FOXP1: variants seen among roughly 807,000 people sequenced by gnomAD.
FOXP1 encodes forkhead box protein P1.
In FOXP1, 15 loss-of-function variants were observed where a neutral mutation model predicts 98.2. The observed-to-expected ratio is 0.15, with a 90% CI of 0.10 to 0.24. The LOEUF is 0.24. Ranked by LOEUF, FOXP1 falls within the 10% of genes least tolerant of loss-of-function variation. The pLI, the probability that FOXP1 is intolerant of heterozygous loss-of-function variation, is 1.00. For missense variants in FOXP1, 633 were observed against 848.5 expected (o/e 0.75, Z 3.15); for synonymous variants, 371 against 314.5 (o/e 1.18, Z -1.90).
At chr3:71,435,104 A>G (rs1181109466) in intron 3 of FOXP1, among the ~76,000 whole-genome samples, 1 of 149,388 alleles carries the variant, frequency 6.7e-6, no homozygotes, top group Non-Finnish European at 1.5e-5. Flanking sequence ...GCTTAAAGTA[A>G]GAGACTTCAA....
chr3:71,173,487 T>A (rs1024510434), intron 6 of FOXP1, among the ~76,000 whole-genome samples: 2 of 152,068 alleles, frequency 1.3e-5, no homozygotes, highest in African/African-American at 2.4e-5. Flanking sequence ...GATCTTCTGA[T>A]GCAACATATT....
intron 7 of FOXP1, among the ~76,000 whole-genome samples, chr3:71,092,287 C>G (rs1220011686): frequency 6.6e-6 from 1 of 151,994 alleles, no homozygotes; most frequent in Non-Finnish European, 1.5e-5. Context: ...AGGAGAATCG[C>G]TTGAACCTGG....
At chr3:71,186,940 G>C (rs936312227) in intron 6 of FOXP1, among the ~76,000 whole-genome samples, 1 of 152,192 alleles carries the variant, frequency 6.6e-6, no homozygotes, top group Non-Finnish European at 1.5e-5. Flanking sequence ...CACAATCTCT[G>C]TTGCAACAAC....
chr3:71,204,708 T>C (rs1186587592), intron 5 of FOXP1, among the ~76,000 whole-genome samples: 1 of 151,504 alleles, frequency 6.6e-6, no homozygotes, highest in Non-Finnish European at 1.5e-5. Context: ...CCCCAAGATG[T>C]AGAGTTACTG....
chr3:70,992,900 G>A (rs906871429), intron 13 of FOXP1, among the ~76,000 whole-genome samples: 3 of 152,112 alleles, frequency 2.0e-5, no homozygotes, highest in Non-Finnish European at 2.9e-5. Context: ...TGGAACTACC[G>A]TGCTGTTAGG....
chr3:71,312,281 C>T (rs550353028), intron 4 of FOXP1, among the ~76,000 whole-genome samples: 1 of 152,348 alleles, frequency 6.6e-6, no homozygotes, highest in African/African-American at 2.4e-5. Flanking sequence ...GAAAGGTAAT[C>T]AAGTGTGCTA....
At chr3:70,967,641 T>TTTTG (rs2035109630) in intron 19 of FOXP1, among the ~76,000 whole-genome samples, 1 of 149,602 alleles carries the variant, frequency 6.7e-6, no homozygotes, top group Non-Finnish European at 1.5e-5. Context: ...CTTTCTTTCT[T>TTTTG]TTTGTTTTTT....
intron 5 of FOXP1, among the ~76,000 whole-genome samples, chr3:71,212,281 A>C (rs2064537492): frequency 6.6e-6 from 1 of 152,206 alleles, no homozygotes; most frequent in African/African-American, 2.4e-5. Context: ...AGGCTCATAT[A>C]TTGGGCAACT....
intron 12 of FOXP1, among the ~76,000 whole-genome samples, chr3:71,015,161 C>A (rs531627823): frequency 1.3e-5 from 2 of 150,826 alleles, no homozygotes; most frequent in African/African-American, 2.5e-5. Context: ...GAAGATGACA[C>A]CTCCAACAAC....
intron 7 of FOXP1, among the ~76,000 whole-genome samples, chr3:71,068,203 T>C (rs926261549): frequency 2.0e-5 from 3 of 152,188 alleles, no homozygotes; most frequent in African/African-American, 7.2e-5. Context: ...AATGAGTCCA[T>C]TGTGCAGCTG....
At chr3:71,530,663 T>C (rs888519297) in intron 2 of FOXP1, among the ~76,000 whole-genome samples, 2 of 152,266 alleles carry the variant, frequency 1.3e-5, no homozygotes, top group Admixed American at 1.3e-4. Context: ...GTAATTATGT[T>C]GCACATACTG....
At chr3:71,371,259 C>T (rs2107983618) in intron 3 of FOXP1, among the ~76,000 whole-genome samples, 1 of 152,248 alleles carries the variant, frequency 6.6e-6, no homozygotes, top group East Asian at 1.9e-4. Context: ...TGCATCTCAC[C>T]GCCAGTTAGA....
At position 71,550,538 on chromosome 3, in the gene FOXP1, C is replaced by T. The variant is rs934594581; in HGVS notation, c.-298+31011G>A. ...TGAATATATTTTTAAACTAAATTAA[C>T]ATCCAGTGAATAGAAAGCAAAGCCA... On this transcript the variant is annotated intron_variant, in intron 2 of 20. Transcript: ENST00000649528. Among the ~76,000 whole-genome samples, 4 of 152,248 alleles carry T rather than the reference C, an allele frequency of 2.6e-5. No individual in the cohort carries two copies. The East Asian group carries it at 7.7e-4, about 29-fold the overall frequency.
At chr3:71,018,241 G>A (rs1363215701) in intron 11 of FOXP1, among the ~76,000 whole-genome samples, 1 of 152,054 alleles carries the variant, frequency 6.6e-6, no homozygotes, top group Non-Finnish European at 1.5e-5. Context: ...TTTACTTTTA[G>A]TTCAACTTGT....
At chr3:71,259,127 GAGCTAAGAC>G (rs1398684612) in intron 5 of FOXP1, among the ~76,000 whole-genome samples, 2 of 152,042 alleles carry the variant, frequency 1.3e-5, no homozygotes. Flanking sequence ...CTGGGTGACA[GAGCTAAGAC>G]TGTGTCTCAG....
intron 3 of FOXP1, among the ~76,000 whole-genome samples, chr3:71,378,076 G>A (rs1164828788): frequency 1.5e-5 from 2 of 137,188 alleles, no homozygotes; most frequent in African/African-American, 2.7e-5. Context: ...TGCGAAAAGG[G>A]AATCAATACA....
At chr3:71,429,785 C>T (rs1251622172) in intron 3 of FOXP1, among the ~76,000 whole-genome samples, 3 of 152,172 alleles carry the variant, frequency 2.0e-5, no homozygotes, top group Admixed American at 6.5e-5. Flanking sequence ...ACAGCTAAAT[C>T]ACCCCACGGT....
chr3:71,423,696 C>T (rs576508313), intron 3 of FOXP1, among the ~76,000 whole-genome samples: 1 of 152,302 alleles, frequency 6.6e-6, no homozygotes, highest in Admixed American at 6.5e-5. Context: ...GTGGATTTCT[C>T]AGTCACGTTA....
chr3:71,131,723 G>A (rs908239299), intron 6 of FOXP1, among the ~76,000 whole-genome samples: 2 of 152,198 alleles, frequency 1.3e-5, no homozygotes, highest in African/African-American at 4.8e-5. Flanking sequence ...AAGATAAACC[G>A]CCAGAAAATG....
Sources: allele counts gnomAD v4.1 joint callset (sites outside exome capture counted in the v4.1 genomes callset), GRCh38; gene constraint gnomAD v4.1.1; transcripts MANE v1.5; gene names NCBI Gene and HGNC (gene_info 2026-07-23, HGNC 2026-07-21).